The following COMMD10 variants were observed in gnomAD, a reference collection of about 807,000 sequenced individuals.
The protein encoded by COMMD10 is COMM domain containing 10.
A neutral mutation model predicts 28.9 loss-of-function variants in COMMD10; 33 were observed. That is an observed-to-expected ratio of 1.14 (90% confidence interval 0.87 to 1.53). The LOEUF is 1.53. COMMD10 is among the 40% of genes most tolerant of loss of function. The pLI, the probability that COMMD10 is intolerant of heterozygous loss-of-function variation, is 0.00. For synonymous variants in COMMD10, 110 were observed against 81.7 expected (o/e 1.35, Z -1.87); for missense variants, 310 against 233.4 (o/e 1.33, Z -2.14).
At chr5:116,256,954 C>G (rs971638473) in intron 5 of COMMD10, among the ~76,000 whole-genome samples, 1 of 151,664 alleles carries the variant, frequency 6.6e-6, no homozygotes, top group Non-Finnish European at 1.5e-5. Context: ...ATGTACTTAA[C>G]AGTGAAAAAA....
chr5:116,168,170 A>AG (rs2112576724), intron 5 of COMMD10, among the ~76,000 whole-genome samples: 1 of 151,842 alleles, frequency 6.6e-6, no homozygotes, highest in African/African-American at 2.4e-5. Context: ...AAAAAAAAAA[A>AG]AAAAGGGATT....
intron 4 of COMMD10, among the ~76,000 whole-genome samples, chr5:116,098,542 G>A (rs1195857403): frequency 6.6e-6 from 1 of 152,220 alleles, no homozygotes; most frequent in Non-Finnish European, 1.5e-5. Context: ...CAGAAATGAT[G>A]TGTTGTCATT....
intron 5 of COMMD10, among the ~76,000 whole-genome samples, chr5:116,234,289 A>T (rs1045389032): frequency 3.9e-5 from 6 of 152,226 alleles, no homozygotes; most frequent in African/African-American, 1.4e-4. Flanking sequence ...CACCTATGTC[A>T]ATCAACTAGG....
chr5:116,094,429 CTAAT>C (rs113937863), intron 4 of COMMD10, among the ~76,000 whole-genome samples: 135 of 152,234 alleles, frequency 8.9e-4, no homozygotes, highest in African/African-American at 3.1e-3. Context: ...CTTAAAATCA[CTAAT>C]TATCAGAGAA....
chr5:116,101,925 C>G (rs542210888), intron 4 of COMMD10, among the ~76,000 whole-genome samples: 1 of 151,936 alleles, frequency 6.6e-6, no homozygotes, highest in Non-Finnish European at 1.5e-5. Flanking sequence ...TGTTGTTGTT[C>G]AGTTGTTTGG....
chr5:116,262,159 T>C (rs971959614), intron 5 of COMMD10, among the ~76,000 whole-genome samples: 3 of 151,654 alleles, frequency 2.0e-5, no homozygotes, highest in Non-Finnish European at 4.4e-5. Context: ...GATGCTATAC[T>C]ATTCTGATGA....
In COMMD10 at chr5:116,292,561, G is replaced by A; in HGVS notation, c.*72G>A. ...TTTTGCATTGAAGATACATTGCCAG[G>A]TTGTGTTTTCTGAAGGATTCAGTGA... On this transcript the variant is annotated 3_prime_UTR_variant, in exon 7 of 7. Coordinates refer to ENST00000274458, the MANE Select transcript of COMMD10 (RefSeq NM_016144.4). 1 of 1,326,852 alleles carries A rather than the reference G, an allele frequency of 7.5e-7. No homozygotes were observed. Among genetic ancestry groups the A allele is most frequent in the Non-Finnish European group, 1.0e-6 (1 of 960,352 alleles). The allele number at this position is 1,326,852 out of a possible 1,614,324, so 82.2% of individuals were successfully genotyped here. A position where few individuals can be genotyped will look rare whatever the true frequency, so the allele number is the denominator to read the frequency against.
At chr5:116,292,220 ATCT>A (rs1042002276) in intron 6 of COMMD10, among the ~76,000 whole-genome samples, 5 of 152,112 alleles carry the variant, frequency 3.3e-5, no homozygotes, top group African/African-American at 7.2e-5. Flanking sequence ...GTATTAAGAA[ATCT>A]TCTTTCTTTG....
intron 4 of COMMD10, among the ~76,000 whole-genome samples, chr5:116,108,316 G>A (rs1750913303): frequency 6.6e-6 from 1 of 152,228 alleles, no homozygotes; most frequent in Non-Finnish European, 1.5e-5. Context: ...GGAGATGGGG[G>A]TTTTATCTAT....
intron 4 of COMMD10, among the ~76,000 whole-genome samples, chr5:116,097,419 A>T (rs1750506040): frequency 6.6e-6 from 1 of 152,216 alleles, no homozygotes; most frequent in Non-Finnish European, 1.5e-5. Flanking sequence ...ATTGAGGCTT[A>T]GAGAGGTTTA....
At chr5:116,223,733 T>A (rs1749322582) in intron 5 of COMMD10, among the ~76,000 whole-genome samples, 1 of 152,134 alleles carries the variant, frequency 6.6e-6, no homozygotes, top group Non-Finnish European at 1.5e-5. Context: ...CTATAATGTA[T>A]TGTAAGATAC....
At chr5:116,144,536 T>C (rs1040106357) in intron 5 of COMMD10, among the ~76,000 whole-genome samples, 2 of 151,818 alleles carry the variant, frequency 1.3e-5, no homozygotes, top group African/African-American at 4.8e-5. Context: ...AATCACTACA[T>C]AGTGTTAAAA....
intron 5 of COMMD10, among the ~76,000 whole-genome samples, chr5:116,257,611 G>A (rs1411846426): frequency 6.6e-6 from 1 of 151,368 alleles, no homozygotes; most frequent in Non-Finnish European, 1.5e-5. Flanking sequence ...CTTAGCAGGG[G>A]GCCCTTTACC....
intron 1 of COMMD10, 98 bp from the exon 2 acceptor site, chr5:116,087,399 A>G: frequency 1.3e-6 from 1 of 754,990 alleles, no homozygotes; most frequent in East Asian, 2.5e-5. Context: ...ACCATATAGC[A>G]TTCAGAGTTG....
chr5:116,134,778 T>C (rs1174599170), intron 5 of COMMD10, among the ~76,000 whole-genome samples: 1 of 151,988 alleles, frequency 6.6e-6, no homozygotes, highest in Non-Finnish European at 1.5e-5. Context: ...CCTGCCACCT[T>C]GTCCGGCTAA....
At chr5:116,154,731 C>CTTTTCT (rs962024979) in intron 5 of COMMD10, among the ~76,000 whole-genome samples, 6 of 151,902 alleles carry the variant, frequency 3.9e-5, no homozygotes, top group Non-Finnish European at 7.4e-5. Flanking sequence ...ACAGAACTTA[C>CTTTTCT]TTTTCTTTTT....
At chr5:116,221,823 G>A (rs958235380) in intron 5 of COMMD10, among the ~76,000 whole-genome samples, 1 of 152,058 alleles carries the variant, frequency 6.6e-6, no homozygotes, top group East Asian at 1.9e-4. Context: ...TGGATTTTTG[G>A]AGTCCTTTGC....
At chr5:116,273,547 C>T (rs1750813818) in intron 5 of COMMD10, among the ~76,000 whole-genome samples, 1 of 151,756 alleles carries the variant, frequency 6.6e-6, no homozygotes, top group Non-Finnish European at 1.5e-5. Context: ...ATTAACTTGG[C>T]CTAGGTCACA....
intron 5 of COMMD10, among the ~76,000 whole-genome samples, chr5:116,277,362 A>G (rs1010442198): frequency 3.3e-5 from 5 of 152,062 alleles, no homozygotes; most frequent in African/African-American, 4.8e-5. Flanking sequence ...TTAGGTTAGC[A>G]GAGAACTAAT....
Sources: allele counts gnomAD v4.1 joint callset (sites outside exome capture counted in the v4.1 genomes callset), GRCh38; gene constraint gnomAD v4.1.1; transcripts MANE v1.5; gene names NCBI Gene and HGNC (gene_info 2026-07-23, HGNC 2026-07-21).